Variants in TTC28 observed in about 807,000 individuals in gnomAD.
The protein encoded by TTC28 is tetratricopeptide repeat protein 28.
TTC28 carries 61 observed loss-of-function variants against 198.0 expected under a neutral mutation model. The ratio of observed to expected loss-of-function variants is 0.31; its 90% CI spans 0.25 to 0.38. The LOEUF (loss-of-function observed/expected upper bound fraction) is 0.38. Ranked by LOEUF, TTC28 falls within the 10% of genes least tolerant of loss-of-function variation. The pLI, the probability that TTC28 is intolerant of heterozygous loss-of-function variation, is 1.00. For missense variants in TTC28, 2,678 were observed against 3,164.0 expected, an observed-to-expected ratio of 0.85 and a Z score of 3.69; for synonymous variants, 1,171 against 1,297.8, an observed-to-expected ratio of 0.90 and a Z score of 2.10.
chr22:28,339,368 T>G (rs1161119337), intron 2 of TTC28, among the ~76,000 whole-genome samples: 1 of 152,156 alleles, frequency 6.6e-6, no homozygotes, highest in Non-Finnish European at 1.5e-5. Flanking sequence ...AGTCTGTCCA[T>G]TCTCAGATCT....
intron 1 of TTC28, among the ~76,000 whole-genome samples, chr22:28,671,245 T>G (rs1601682223): frequency 6.6e-6 from 1 of 151,904 alleles, no homozygotes; most frequent in East Asian, 2.0e-4. Flanking sequence ...TCAACCGGCC[T>G]GTTTATTTTT....
chr22:28,225,923 CAT>C (rs1928308610), intron 5 of TTC28, among the ~76,000 whole-genome samples: 1 of 152,210 alleles, frequency 6.6e-6, no homozygotes, highest in African/African-American at 2.4e-5. Context: ...TTTCACTCAA[CAT>C]AATGATTTTG....
intron 2 of TTC28, among the ~76,000 whole-genome samples, chr22:28,540,651 A>G (rs1016402253): frequency 6.6e-6 from 1 of 152,192 alleles, no homozygotes; most frequent in Non-Finnish European, 1.5e-5. Context: ...ATTTTACCAG[A>G]GCCAAAACCC....
chr22:28,080,396 T>C (rs1236355502), intron 12 of TTC28, among the ~76,000 whole-genome samples: 1 of 152,190 alleles, frequency 6.6e-6, no homozygotes, highest in Non-Finnish European at 1.5e-5. Flanking sequence ...AGGAAAAAGG[T>C]TTCTCATTAT....
At chr22:28,409,043 G>A (rs939513393) in intron 2 of TTC28, among the ~76,000 whole-genome samples, 4 of 152,114 alleles carry the variant, frequency 2.6e-5, no homozygotes, top group African/African-American at 9.7e-5. Flanking sequence ...GACTCTTTTC[G>A]TTGCTTCCTT....
intron 12 of TTC28, among the ~76,000 whole-genome samples, chr22:28,091,183 G>A (rs1413820990): frequency 6.6e-6 from 1 of 152,190 alleles, no homozygotes; most frequent in Non-Finnish European, 1.5e-5. Context: ...AAGGCACCTG[G>A]AAACAGAATT....
At chr22:28,425,285 G>A (rs1329723186) in intron 2 of TTC28, among the ~76,000 whole-genome samples, 1 of 152,186 alleles carries the variant, frequency 6.6e-6, no homozygotes, top group East Asian at 1.9e-4. Context: ...TTATACAAAT[G>A]TCAAATGATG....
chr22:28,393,882 C>T (rs544661990), intron 2 of TTC28, among the ~76,000 whole-genome samples: 1 of 152,188 alleles, frequency 6.6e-6, no homozygotes, highest in African/African-American at 2.4e-5. Context: ...ATGGCAACTC[C>T]ACTGGCTCAG....
At chr22:28,486,494 G>T (rs897608094) in intron 2 of TTC28, among the ~76,000 whole-genome samples, 6 of 137,566 alleles carry the variant, frequency 4.4e-5, no homozygotes, top group African/African-American at 1.8e-4. Flanking sequence ...TGCCAAAAGT[G>T]GGGGGGTGAT....
At chr22:28,555,228 C>T (rs956874180) in intron 2 of TTC28, among the ~76,000 whole-genome samples, 5 of 152,168 alleles carry the variant, frequency 3.3e-5, no homozygotes, top group Non-Finnish European at 5.9e-5. Flanking sequence ...AAAGGGACCA[C>T]TTTTACACTG....
At chr22:28,304,460 C>T (rs1235307216) in intron 3 of TTC28, among the ~76,000 whole-genome samples, 2 of 151,992 alleles carry the variant, frequency 1.3e-5, no homozygotes, top group Non-Finnish European at 2.9e-5. Context: ...GTGGTAAAGA[C>T]AATGCTGAAA....
chr22:28,049,856 G>A (rs570665933), intron 12 of TTC28, among the ~76,000 whole-genome samples: 1 of 152,196 alleles, frequency 6.6e-6, no homozygotes, highest in African/African-American at 2.4e-5. Context: ...GCAAGGGCCT[G>A]TGGGGAAAAG....
chr22:28,476,214 T>C (rs2048164411), intron 2 of TTC28, among the ~76,000 whole-genome samples: 1 of 152,216 alleles, frequency 6.6e-6, no homozygotes. Context: ...TTTTTTGACA[T>C]AGTTTTATCA....
chr22:28,534,611 C>T (rs1355113105), intron 2 of TTC28, among the ~76,000 whole-genome samples: 1 of 152,172 alleles, frequency 6.6e-6, no homozygotes. Flanking sequence ...GACACATGCA[C>T]ACGTATGTTT....
At chr22:28,614,479 T>A (rs1431296461) in intron 2 of TTC28, among the ~76,000 whole-genome samples, 1 of 152,204 alleles carries the variant, frequency 6.6e-6, no homozygotes, top group Non-Finnish European at 1.5e-5. Flanking sequence ...AGAGCCCACA[T>A]AGCCAAGACA....
chr22:28,107,528 C>A lies in TTC28; in HGVS notation c.2317G>T (p.Ala773Ser). The change falls in exon 7 of 23, where the codon GCC becomes TCC. Residue 773 changes from alanine to serine, a missense_variant. Ala to Ser is a moderately conservative substitution (Grantham distance 99, BLOSUM62 1). This residue lies in a region of TTC28 where 775 missense variants were observed against 845.9 expected (regional missense o/e 0.92). Coordinates refer to ENST00000397906, the MANE Select transcript of TTC28 (RefSeq NM_001145418.2). ...AGTTCCTGTGTGTGATAACCCAGGG[C>A]CTTGTCATACTTCTGGATCATTCGG... Reference protein sequence around the residue: ...AYRMIQKYDKALGYHTQELEV... With the variant: ...AYRMIQKYDKSLGYHTQELEV... 6.4e-7 allele frequency: 1 copy of A among 1,551,842 alleles called. No homozygotes were observed. Among genetic ancestry groups the A allele is most frequent in the Non-Finnish European group, 8.7e-7 (1 of 1,147,034 alleles).
chr22:28,399,015 C>CTTTTTTTTT (rs77161387), intron 2 of TTC28, among the ~76,000 whole-genome samples: 9 of 135,228 alleles, frequency 6.7e-5, no homozygotes, highest in Non-Finnish European at 8.0e-5. Flanking sequence ...GTTATTTTGC[C>CTTTTTTTTT]TTTTTTTTTT....
chr22:28,075,534 GAGA>G (rs1376366826), intron 12 of TTC28, among the ~76,000 whole-genome samples: 6 of 152,188 alleles, frequency 3.9e-5, no homozygotes, highest in African/African-American at 1.4e-4. Context: ...CATCCTACTT[GAGA>G]AGGAGCCCAA....
At chr22:28,621,397 T>A (rs2050992614) in intron 2 of TTC28, among the ~76,000 whole-genome samples, 3 of 151,904 alleles carry the variant, frequency 2.0e-5, no homozygotes, top group Admixed American at 2.0e-4. Flanking sequence ...AGAAACAAAC[T>A]GTGTAAGATA....
Sources: allele counts gnomAD v4.1 joint callset (sites outside exome capture counted in the v4.1 genomes callset), GRCh38; gene constraint gnomAD v4.1.1; regional missense constraint gnomAD v4.1.1; transcripts MANE v1.5; gene names NCBI Gene and HGNC (gene_info 2026-07-23, HGNC 2026-07-21).